The following RAD54L2 variants were observed in gnomAD, a reference collection of about 807,000 sequenced individuals.
RAD54L2 encodes RAD54 like 2.
In RAD54L2, 27 loss-of-function variants were observed where a neutral mutation model predicts 138.4. The ratio of observed to expected loss-of-function variants is 0.20; its 90% CI spans 0.14 to 0.27. The LOEUF (loss-of-function observed/expected upper bound fraction) is 0.27. RAD54L2 is among the 10% of genes least tolerant of loss of function. The pLI is 1.00. For missense variants in RAD54L2, 1,396 were observed against 1,890.2 expected (o/e 0.74, Z 4.85); for synonymous variants, 644 against 723.2 (o/e 0.89, Z 1.76).
intron 14 of RAD54L2, among the ~76,000 whole-genome samples, 187 bp from the exon 15 acceptor site, chr3:51,641,562 C>G (rs906916844): frequency 6.6e-6 from 1 of 152,188 alleles, no homozygotes; most frequent in African/African-American, 2.4e-5. Context: ...GGTGATCCAC[C>G]CGCCTCGGCC....
At chr3:51,547,116 GTGGGAGGGT>G (rs1488501643) in intron 2 of RAD54L2, among the ~76,000 whole-genome samples, 3 of 152,164 alleles carry the variant, frequency 2.0e-5, no homozygotes, top group Admixed American at 1.3e-4. Context: ...GGAGGCTGAG[GTGGGAGGGT>G]TGCTTGACCC....
At chr3:51,555,806 A>G (rs1698948464) in intron 2 of RAD54L2, among the ~76,000 whole-genome samples, 1 of 152,202 alleles carries the variant, frequency 6.6e-6, no homozygotes, top group East Asian at 1.9e-4. Context: ...ATATGCTCGT[A>G]TTTACCCCCA....
In RAD54L2 at chr3:51,663,529, GGAA is replaced by G; in HGVS notation, c.*112_*114del. 8.2e-7 allele frequency: 1 copy of G among 1,221,652 alleles called. No individual in the cohort carries two copies. Among genetic ancestry groups the G allele is most frequent in the African/African-American group, 1.6e-5 (1 of 62,910 alleles). The allele number at this position is 1,221,652 out of a possible 1,614,324, so 75.7% of individuals were successfully genotyped here. On this transcript the variant is annotated 3_prime_UTR_variant, in exon 23 of 23. Coordinates refer to ENST00000684192, the MANE Select transcript of RAD54L2 (RefSeq NM_015106.4). ...ATAGGACACTTGGCAGGAGGGAAAA[GGAA>G]GAGGACAAAGGAGGGTGGTTGGCCA...
rs1448067973 is a variant in RAD54L2 at position 51,633,690 on chromosome 3, G to T, written c.939G>T (p.Leu313Phe). ...ACAGCATGGGTCTGGGGAAAACTTT[G>T]CAAGTGATCTCTTTCATCGACGTCC... ...LAHSMGLGKTLQVISFIDVLF... is the reference protein window; with the variant it reads ...LAHSMGLGKTFQVISFIDVLF... Residue 313 changes from leucine (L) to phenylalanine (F), a missense_variant, in exon 8 of 23, where the codon TTG becomes TTT. Around this residue, in one of 7 missense-constraint regions of RAD54L2, gnomAD observed 169 missense variants for 235.6 expected, o/e 0.72. Coordinates refer to ENST00000684192, the MANE Select transcript of RAD54L2 (RefSeq NM_015106.4). 2 of 1,614,002 alleles carry T rather than the reference G, an allele frequency of 1.2e-6. No individual in the cohort carries two copies. Among genetic ancestry groups the T allele is most frequent in the Non-Finnish European group, 1.7e-6 (2 of 1,179,888 alleles).
At chr3:51,660,862 C>G (rs748590131) in intron 22 of RAD54L2, among the ~76,000 whole-genome samples, 1 of 148,882 alleles carries the variant, frequency 6.7e-6, no homozygotes, top group Non-Finnish European at 1.5e-5. Flanking sequence ...CCTCGGGATC[C>G]GCCTGCCTCG....
intron 2 of RAD54L2, among the ~76,000 whole-genome samples, chr3:51,566,769 T>A (rs941457186): frequency 1.3e-5 from 2 of 152,120 alleles, no homozygotes; most frequent in African/African-American, 4.8e-5. Context: ...GATATGTGCC[T>A]GAGCTATTTT....
chr3:51,550,697 T>C (rs967452063), intron 2 of RAD54L2, among the ~76,000 whole-genome samples: 1 of 152,082 alleles, frequency 6.6e-6, no homozygotes, highest in African/African-American at 2.4e-5. Flanking sequence ...GCTGCAATTG[T>C]GCCACTGCAC....
chr3:51,539,687 A>C (rs1489873563), intron 1 of RAD54L2, among the ~76,000 whole-genome samples: 1 of 152,130 alleles, frequency 6.6e-6, no homozygotes, highest in Non-Finnish European at 1.5e-5. Context: ...TATGTGGGTC[A>C]TGGTGGTGGC....
intron 3 of RAD54L2, among the ~76,000 whole-genome samples, chr3:51,616,655 C>G (rs1441093690): frequency 6.6e-6 from 1 of 151,820 alleles, no homozygotes; most frequent in Non-Finnish European, 1.5e-5. Flanking sequence ...TGGTGAAACC[C>G]CGTCTCTACT....
At position 51,655,979 on chromosome 3, in the gene RAD54L2, C is replaced by T; in HGVS notation, c.3035C>T (p.Thr1012Ile). The change falls in exon 20 of 23, where the codon ACT becomes ATT. Residue 1012 changes from threonine (T) to isoleucine (I), a missense_variant. Thr to Ile is a moderately conservative substitution (Grantham distance 89, BLOSUM62 -1). Transcript: ENST00000684192. ...PAFSQRNWQP[T>I]LKGDEKPVAS... Reference sequence around the variant, plus strand: ...TTGTCTTTCTCTTACAGGCAGCCAACTTTGAAGGGTGATGAAAAGCCTGTG... The same window carrying T: ...TTGTCTTTCTCTTACAGGCAGCCAATTTTGAAGGGTGATGAAAAGCCTGTG... 6.2e-7 allele frequency: 1 copy of T among 1,600,918 alleles called. No homozygotes were observed. The highest frequency in any genetic ancestry group is 8.5e-7 in the Non-Finnish European group (1 of 1,171,004).
intron 2 of RAD54L2, among the ~76,000 whole-genome samples, chr3:51,582,766 C>CTTTTTTTTTTTTTTTTTTTTTT (rs61245532): frequency 6.8e-6 from 1 of 147,238 alleles, no homozygotes; most frequent in African/African-American, 2.5e-5. Context: ...CCAGGGAAGT[C>CTTTTTTTTTTTTTTTTTTTTTT]TTTTTTTTTT....
rs892407327 is a variant in RAD54L2 at position 51,627,582 on chromosome 3, G to A, written c.169G>A (p.Glu57Lys). Residue 57 changes from glutamate to lysine, a missense_variant, in exon 4 of 23, where the codon GAG (glutamate) becomes AAG (lysine). This residue lies in a region of RAD54L2 where 256 missense variants were observed against 344.6 expected (regional missense o/e 0.74). Coordinates refer to ENST00000684192, the MANE Select transcript of RAD54L2 (RefSeq NM_015106.4). ...DPSLEGMCGTEHAQLGEDGQQ... is the reference protein window; with the variant it reads ...DPSLEGMCGTKHAQLGEDGQQ... ...ATCCCTGGAAGGCATGTGTGGCACT[G>A]AGCATGCCCAGTTGGGAGAAGATGG... 4.5e-6 allele frequency: 7 copies of A among 1,553,860 alleles called. No individual in the cohort carries two copies. The highest frequency in any genetic ancestry group is 1.4e-5 in the African/African-American group (1 of 73,092).
chr3:51,553,073 GTTTT>G (rs1244846563), intron 2 of RAD54L2, among the ~76,000 whole-genome samples: 1 of 151,866 alleles, frequency 6.6e-6, no homozygotes, highest in African/African-American at 2.4e-5. Context: ...CTTTGTGTGT[GTTTT>G]TTTGTTTGTT....
intron 21 of RAD54L2, 27 bp downstream of exon 21, chr3:51,657,696 C>T: frequency 2.0e-6 from 3 of 1,480,896 alleles, no homozygotes; most frequent in Admixed American, 1.9e-5. Context: ...GGACCTGTTC[C>T]CTGCCTTTGG....
chr3:51,559,591 G>T (rs373026732), intron 2 of RAD54L2, among the ~76,000 whole-genome samples: 2 of 152,266 alleles, frequency 1.3e-5, no homozygotes, highest in African/African-American at 4.8e-5. Context: ...ACTCATTGTA[G>T]ATTTGGTTTA....
intron 3 of RAD54L2, among the ~76,000 whole-genome samples, chr3:51,610,630 A>G (rs1700306817): frequency 7.1e-6 from 1 of 141,492 alleles, no homozygotes; most frequent in African/African-American, 2.7e-5. Context: ...CAAAAGCAAG[A>G]CTCCATCTCA....
chr3:51,635,570 A>C (rs1416770807), intron 9 of RAD54L2, 23 bp from the exon 10 acceptor site: 3 of 1,580,318 alleles, frequency 1.9e-6, no homozygotes, highest in South Asian at 1.2e-5. Flanking sequence ...CATCTCACAC[A>C]ATTTTCTCTG....
At chr3:51,622,039 A>G (rs1364559652) in intron 3 of RAD54L2, among the ~76,000 whole-genome samples, 1 of 152,194 alleles carries the variant, frequency 6.6e-6, no homozygotes, top group East Asian at 1.9e-4. Context: ...TGGAAGTGTT[A>G]GGTCTTTGGA....
intron 2 of RAD54L2, among the ~76,000 whole-genome samples, chr3:51,549,306 A>G (rs1482464094): frequency 6.6e-6 from 1 of 152,106 alleles, no homozygotes; most frequent in Admixed American, 6.6e-5. Flanking sequence ...GCAGCCCAGT[A>G]ACTCTGGAAG....
Sources: allele counts gnomAD v4.1 joint callset (sites outside exome capture counted in the v4.1 genomes callset), GRCh38; gene constraint gnomAD v4.1.1; regional missense constraint gnomAD v4.1.1; transcripts MANE v1.5; gene names NCBI Gene and HGNC (gene_info 2026-07-23, HGNC 2026-07-21).